Variants in MATK observed in about 807,000 individuals in gnomAD.
MATK encodes the protein megakaryocyte-associated tyrosine-protein kinase.
Under a neutral mutation model 59.8 loss-of-function variants are expected in MATK, and 41 were observed. The observed-to-expected ratio is 0.69, with a 90% confidence interval of 0.53 to 0.89. The LOEUF (loss-of-function observed/expected upper bound fraction) is 0.89. MATK is among the 40% of genes least tolerant of loss of function. The pLI, the probability that MATK is intolerant of heterozygous loss-of-function variation, is 0.00. For missense variants in MATK, 593 were observed against 719.6 expected, an observed-to-expected ratio of 0.82 and a Z score of 2.01; for synonymous variants, 308 against 306.1, an observed-to-expected ratio of 1.01 and a Z score of -0.06.
At position 3,784,440 on chromosome 19, in the gene MATK, G is replaced by A. The variant is rs2037449728; in HGVS notation, c.144C>T (p.Ala48=). 15 of 1,596,534 alleles carry A rather than the reference G, an allele frequency of 9.4e-6. No individual in the cohort carries two copies. Among genetic ancestry groups the A allele is most frequent in the Middle Eastern group, 1.8e-4 (1 of 5,450 alleles). ...VSARMPTRRW[A]PGTQCITKCE... ...ATTTGGTGATACACTGGGTGCCCGGGGCCCAGCGCCTCTGCAGAGGGGGCC... is the reference window on the plus strand; with the variant it reads ...ATTTGGTGATACACTGGGTGCCCGGAGCCCAGCGCCTCTGCAGAGGGGGCC... The change falls in exon 4 of 14, where the codon GCC becomes GCT. Residue 48 remains alanine, a synonymous_variant. Transcript: ENST00000310132.
At chr19:3,799,519 C>T (rs1361425655) in intron 1 of MATK, among the ~76,000 whole-genome samples, 1 of 152,216 alleles carries the variant, frequency 6.6e-6, no homozygotes, top group Non-Finnish European at 1.5e-5. Flanking sequence ...GTTCAACACA[C>T]AGACGGAATT....
At position 3,778,430 on chromosome 19, in the gene MATK, C is replaced by G. The variant is rs759421554; in HGVS notation, c.1285-8G>C. 2 of 1,613,356 alleles carry G rather than the reference C, an allele frequency of 1.2e-6. No homozygotes were observed. The highest frequency in any genetic ancestry group is 1.7e-6 in the Non-Finnish European group (2 of 1,179,952). ...CGACACCTCTTTCAGTGACTGCGGA[C>G]AGCAGGCGTGGGCAGGGGTCAGGGC... On this transcript the variant is annotated splice_polypyrimidine_tract_variant and splice_region_variant and intron_variant, in intron 13 of 13. Coordinates refer to ENST00000310132, the MANE Select transcript of MATK (RefSeq NM_139355.3).
In MATK at chr19:3,784,119, C is replaced by T; in HGVS notation, c.362+5G>A. 1 of 1,605,034 alleles carries T rather than the reference C, an allele frequency of 6.2e-7. No homozygotes were observed. The highest frequency in any genetic ancestry group is 8.5e-7 in the Non-Finnish European group (1 of 1,174,250). On this transcript the variant is annotated splice_donor_5th_base_variant and intron_variant, in intron 5 of 13. Transcript: ENST00000310132. The stretch of plus-strand genomic sequence containing the variant: ...CTACCCCAGGCCCCTGTCCTGCCCA[C>T]TCACGGCATGAGGCTGAGCTTGGGG...
chr19:3,796,189 A>G (rs2037593069), intron 1 of MATK, among the ~76,000 whole-genome samples: 1 of 152,196 alleles, frequency 6.6e-6, no homozygotes, highest in African/African-American at 2.4e-5. Flanking sequence ...TCTCAAGGGT[A>G]AGTATATTCT....
chr19:3,784,797 G>A lies in MATK; in HGVS notation c.132+28C>T, dbSNP rs1415562924. 19 of 1,536,508 alleles carry A rather than the reference G, an allele frequency of 1.2e-5. No homozygotes were observed. In the Admixed American group the frequency reaches 3.3e-4, roughly 27 times the overall value. ...ACGGAGTTGAAGAAGGACCCGGGGA[G>A]CAGAGGAAGCAGGCTAGACACACTC... is the stretch of plus-strand genomic sequence containing the variant. On this transcript the variant is annotated intron_variant, in intron 3 of 13. Coordinates refer to ENST00000310132, the MANE Select transcript of MATK (RefSeq NM_139355.3).
intron 1 of MATK, among the ~76,000 whole-genome samples, chr19:3,798,867 G>A (rs1454610764): frequency 2.0e-5 from 3 of 150,220 alleles, no homozygotes; most frequent in Non-Finnish European, 4.4e-5. Flanking sequence ...GTGCAGTGGC[G>A]TGATCATAGG....
chr19:3,793,346 A>T (rs1568410773), intron 1 of MATK: 1 of 152,114 alleles, frequency 6.6e-6, no homozygotes, highest in African/African-American at 2.4e-5. Flanking sequence ...CTGGTGGATC[A>T]TCTGAGGTCA....
rs368603285 is a variant in MATK at position 3,778,305 on chromosome 19, G to A, written c.1402C>T (p.Arg468Trp). 3.8e-6 allele frequency: 6 copies of A among 1,574,424 alleles called. No individual in the cohort carries two copies. The highest frequency in any genetic ancestry group is 1.4e-5 in the African/African-American group (1 of 72,758). The change falls in exon 14 of 14, where the codon CGG becomes TGG. Residue 468 changes from arginine to tryptophan, a missense_variant. Coordinates refer to ENST00000310132, the MANE Select transcript of MATK (RefSeq NM_139355.3). ...SSCWEAEPAR[R>W]PPFRKLAEKL... Reference sequence around the variant, plus strand: ...TCGGCCAGTTTGCGGAAGGGTGGCCGGCGGGCGGGCTCTGCCTCCCAGCAG... The same window carrying A: ...TCGGCCAGTTTGCGGAAGGGTGGCCAGCGGGCGGGCTCTGCCTCCCAGCAG...
exon 1 of MATK, chr19:3,801,678 A>G (rs11670641): frequency 0.96 from 146,526 of 152,468 alleles, 70,434 homozygotes; most frequent in African/African-American, 0.99. Context: ...CTGCTCCGGG[A>G]ACCGCGGCCT....
In MATK at chr19:3,778,155, C is replaced by T. The variant is rs1555746892; in HGVS notation, c.*28G>A. The T allele has an allele frequency of 2.6e-6, 4 of 1,536,112 alleles. No individual in the cohort carries two copies. Among genetic ancestry groups the T allele is most frequent in the Non-Finnish European group, 3.5e-6 (4 of 1,146,180 alleles). On this transcript the variant is annotated 3_prime_UTR_variant, in exon 14 of 14. Coordinates refer to ENST00000310132, the MANE Select transcript of MATK (RefSeq NM_139355.3). ...CCGCACTCTCCACTCTCTCGGTCCT[C>T]TGGGGCCAAGGGCCCCACCGGGTGG...
Position 3,778,999 on chromosome 19 carries a change from T to C in MATK, c.1190A>G (p.Lys397Arg). 6.4e-7 allele frequency: 1 copy of C among 1,560,912 alleles called. No individual in the cohort carries two copies. The highest frequency in any genetic ancestry group is 8.6e-7 in the Non-Finnish European group (1 of 1,156,734). ...TGTGAAGGCAGGGCTCACCCCGTGT[T>C]TGAGAGCCTCGGGCGCCGTCCACTT... ...PVKWTAPEAL[K>R]HGKFTSKSDV... The change falls in exon 12 of 14, where the codon AAA becomes AGA. Residue 397 changes from lysine to arginine, a missense_variant. By Grantham distance (26) the Lys-to-Arg change is conservative. Transcript: ENST00000310132.
chr19:3,781,587 C>T lies in MATK; in HGVS notation c.742+20G>A. On this transcript the variant is annotated intron_variant, in intron 8 of 13. Coordinates refer to ENST00000310132, the MANE Select transcript of MATK (RefSeq NM_139355.3). The stretch of plus-strand genomic sequence containing the variant: ...ACCTCCCATCTTCCTTCAGCACCCC[C>T]AACCCAGTCCGCCACTCACCTCCAA... 6.2e-7 allele frequency: 1 copy of T among 1,613,728 alleles called. No individual in the cohort carries two copies. Among genetic ancestry groups the T allele is most frequent in the Non-Finnish European group, 8.5e-7 (1 of 1,179,800 alleles).
At chr19:3,792,777 C>T (rs1245130461) in intron 1 of MATK, among the ~76,000 whole-genome samples, 3 of 152,152 alleles carry the variant, frequency 2.0e-5, no homozygotes, top group Non-Finnish European at 4.4e-5. Context: ...CTCGGCCTCC[C>T]AAAGTGCTGG....
chr19:3,778,854 A>G (rs2037356559), intron 12 of MATK, 138 bp downstream of exon 12: 1 of 971,490 alleles, frequency 1.0e-6, no homozygotes, highest in East Asian at 2.6e-5. Flanking sequence ...TACGAGGAAC[A>G]ATTATGGGCC....
At chr19:3,778,955 C>T (rs2145744995) in intron 12 of MATK, 37 bp downstream of exon 12, 1 of 1,503,852 alleles carries the variant, frequency 6.6e-7, no homozygotes, top group South Asian at 1.3e-5. Flanking sequence ...GCTGGGGGGA[C>T]CCCAAAGCCC....
At chr19:3,782,901 T>C (rs1280797094) in intron 7 of MATK, 15 of 544,434 alleles carry the variant, frequency 2.8e-5, no homozygotes, top group Non-Finnish European at 4.3e-5. Context: ...GCTCAGATGG[T>C]GGATGATGGT....
intron 8 of MATK, among the ~76,000 whole-genome samples, chr19:3,780,370 A>G (rs1468383762): frequency 6.6e-6 from 1 of 152,108 alleles, no homozygotes; most frequent in Non-Finnish European, 1.5e-5. Context: ...AAATCTACCT[A>G]TCACCTCTTT....
chr19:3,785,349 T>C, intron 1 of MATK, 63 bp from the exon 2 acceptor site: 1 of 1,146,790 alleles, frequency 8.7e-7, no homozygotes, highest in East Asian at 2.7e-5. Flanking sequence ...CCCAAGAATC[T>C]CTGACCGTGG....
intron 1 of MATK, 185 bp from the exon 2 acceptor site, chr19:3,785,471 T>G: frequency 2.6e-6 from 1 of 381,760 alleles, no homozygotes; most frequent in East Asian, 5.7e-5. Flanking sequence ...AAGTCACTCA[T>G]TGCTGCAGGG....
Sources: gnomAD v4.1 joint callset for allele counts (sites outside exome capture counted in the v4.1 genomes callset) on GRCh38, gnomAD v4.1.1 for gene constraint, MANE v1.5 for transcripts, NCBI Gene and HGNC (gene_info 2026-07-23, HGNC 2026-07-21) for gene names.